The following SLC14A2 variants were observed in gnomAD, a reference collection of about 807,000 sequenced individuals.
The protein encoded by SLC14A2 is solute carrier family 14 member 2.
A neutral mutation model predicts 104.6 loss-of-function variants in SLC14A2; 91 were observed. That is an observed-to-expected ratio of 0.87 (90% CI 0.73 to 1.04). The LOEUF is 1.04. Among genes scored for constraint, SLC14A2 ranks in the 50% least tolerant of loss-of-function variants. The pLI is 0.00. For synonymous variants in SLC14A2, 476 were observed against 466.4 expected (o/e 1.02, Z -0.27); for missense variants, 1,189 against 1,156.0 (o/e 1.03, Z -0.41).
intron 1 of SLC14A2, among the ~76,000 whole-genome samples, chr18:45,429,089 T>C (rs1333510527): frequency 6.6e-6 from 1 of 152,202 alleles, no homozygotes; most frequent in Non-Finnish European, 1.5e-5. Flanking sequence ...CCATACTCCC[T>C]GAACAAGAAT....
At chr18:45,667,550 G>A (rs962277112) in intron 13 of SLC14A2, among the ~76,000 whole-genome samples, 2 of 152,126 alleles carry the variant, frequency 1.3e-5, no homozygotes, top group South Asian at 2.1e-4. Context: ...GAAAATTCAT[G>A]GTACCACCAC....
intron 1 of SLC14A2, among the ~76,000 whole-genome samples, chr18:45,375,411 G>A (rs2085763142): frequency 1.3e-5 from 2 of 152,042 alleles, no homozygotes; most frequent in South Asian, 4.2e-4. Flanking sequence ...ATCTGGTCTT[G>A]TGGCCTCCAC....
chr18:45,632,303 G>A (rs777414823), intron 4 of SLC14A2, 47 bp from the exon 5 acceptor site: 3 of 1,594,940 alleles, frequency 1.9e-6, no homozygotes, highest in East Asian at 2.3e-5. Flanking sequence ...GAGGGGCCCA[G>A]TAACACCACC....
At chr18:45,408,768 T>G (rs1329473959) in intron 1 of SLC14A2, among the ~76,000 whole-genome samples, 9 of 150,158 alleles carry the variant, frequency 6.0e-5, no homozygotes, top group Non-Finnish European at 1.3e-4. Flanking sequence ...AGAAAAAGAG[T>G]GTGATGAGAG....
intron 1 of SLC14A2, among the ~76,000 whole-genome samples, chr18:45,260,946 T>C (rs1256338523): frequency 6.6e-6 from 1 of 152,106 alleles, no homozygotes; most frequent in Non-Finnish European, 1.5e-5. Context: ...CATCGTGCAA[T>C]ATACCCATGT....
chr18:45,649,822 C>A (rs766199669), intron 10 of SLC14A2, among the ~76,000 whole-genome samples: 15 of 152,200 alleles, frequency 9.9e-5, no homozygotes, highest in Non-Finnish European at 1.8e-4. Flanking sequence ...TGGTGTCAAT[C>A]TCATTCTTTT....
At chr18:45,666,803 G>A (rs1237893311) in intron 12 of SLC14A2, 132 bp from the exon 13 acceptor site, 4 of 706,396 alleles carry the variant, frequency 5.7e-6, no homozygotes, top group Admixed American at 2.6e-5. Flanking sequence ...TACAGAAACA[G>A]GGAGGTTAAA....
intron 1 of SLC14A2, among the ~76,000 whole-genome samples, chr18:45,431,197 T>C (rs1453051182): frequency 6.6e-6 from 1 of 152,206 alleles, no homozygotes; most frequent in African/African-American, 2.4e-5. Flanking sequence ...TAAGTGACCA[T>C]TGGACTCTCT....
rs2084621690 is a variant in SLC14A2, at chr18:45,268,964, T to TGTGTGTGTGTGTGTGTGTGTGTGTG, written c.-125+55773_-125+55774insGTGTGTGTGTGTGTGTGTGTGTGTG. The stretch of plus-strand genomic sequence containing the variant: ...TGCCTCCTTTATGCTGTTGGTGTGT[T>TGTGTGTGTGTGTGTGTGTGTGTGTG]TGTGTGTGTGTGTGTGTGTGTGTAC... On this transcript the variant is annotated intron_variant, in intron 1 of 20. Transcript: ENST00000586448. Among the ~76,000 whole-genome samples the TGTGTGTGTGTGTGTGTGTGTGTGTG allele has an allele frequency of 2.1e-5, 3 of 143,558 alleles. No homozygotes were observed. The South Asian group carries it at 6.6e-4, about 32-fold the overall frequency. The allele number at this position is 143,558 out of a possible 152,430, so 94.2% of individuals were successfully genotyped here. A position where few individuals can be genotyped will look rare whatever the true frequency, so the allele number is the denominator to read the frequency against.
At chr18:45,189,226 A>G in the SLC14A2 span, among the ~76,000 whole-genome samples, 1 of 152,212 alleles carries the variant, frequency 6.6e-6, no homozygotes, top group South Asian at 2.1e-4. Flanking sequence ...TGTAGTCAGA[A>G]GACTTGAGTT....
intron 1 of SLC14A2, among the ~76,000 whole-genome samples, chr18:45,441,148 C>A (rs1466475702): frequency 6.6e-6 from 1 of 152,168 alleles, no homozygotes; most frequent in East Asian, 1.9e-4. Context: ...CTGTCTTTGA[C>A]TGCATTCTAC....
chr18:45,476,050 A>G (rs916709900), intron 1 of SLC14A2, among the ~76,000 whole-genome samples: 3 of 152,106 alleles, frequency 2.0e-5, no homozygotes, highest in Non-Finnish European at 4.4e-5. Flanking sequence ...TTTGCCCATT[A>G]GTTGATGCAG....
At chr18:45,602,501 AC>A (rs1419464505) in intron 2 of SLC14A2, among the ~76,000 whole-genome samples, 2 of 152,180 alleles carry the variant, frequency 1.3e-5, no homozygotes, top group African/African-American at 4.8e-5. Flanking sequence ...CTCTGGCCTC[AC>A]CCCAAGGGTG....
At chr18:45,397,677 C>T (rs1190888692) in intron 1 of SLC14A2, among the ~76,000 whole-genome samples, 1 of 152,056 alleles carries the variant, frequency 6.6e-6, no homozygotes, top group Non-Finnish European at 1.5e-5. Context: ...AATTAGATCC[C>T]TCTTGTCAAT....
intron 1 of SLC14A2, among the ~76,000 whole-genome samples, chr18:45,308,431 T>A (rs541941853): frequency 6.6e-6 from 1 of 152,338 alleles, no homozygotes; most frequent in African/African-American, 2.4e-5. Context: ...TACTGAATAG[T>A]GAAATTTGGA....
intron 1 of SLC14A2, among the ~76,000 whole-genome samples, chr18:45,351,545 A>C (rs768708121): frequency 2.0e-5 from 3 of 152,042 alleles, no homozygotes; most frequent in Non-Finnish European, 4.4e-5. Context: ...TTTAAAGACA[A>C]GGTCTCACTA....
intron 1 of SLC14A2, among the ~76,000 whole-genome samples, chr18:45,324,831 C>T (rs1022346303): frequency 2.6e-5 from 4 of 152,060 alleles, no homozygotes; most frequent in African/African-American, 9.7e-5. Context: ...TAGATTGAGA[C>T]ATTCTCTGTT....
intron 10 of SLC14A2, among the ~76,000 whole-genome samples, chr18:45,657,468 C>G (rs1944335): frequency 0.76 from 108,049 of 141,402 alleles, 41,524 homozygotes; most frequent in Middle Eastern, 0.84. Flanking sequence ...GTCTGGGTGA[C>G]AGAGCGAGAC....
intron 1 of SLC14A2, among the ~76,000 whole-genome samples, chr18:45,222,389 C>T (rs1053098910): frequency 1.3e-5 from 2 of 152,174 alleles, no homozygotes; most frequent in Non-Finnish European, 2.9e-5. Flanking sequence ...GCAGACTAAT[C>T]ATCAGGGCTT....
Sources: gnomAD v4.1 joint callset for allele counts (sites outside exome capture counted in the v4.1 genomes callset) on GRCh38, gnomAD v4.1.1 for gene constraint, MANE v1.5 for transcripts, NCBI Gene and HGNC (gene_info 2026-07-23, HGNC 2026-07-21) for gene names.